ARHGAP26: variants seen among roughly 807,000 people sequenced by gnomAD.
ARHGAP26 encodes the protein Rho GTPase activating protein 26, also known as rho GTPase-activating protein 26.
In ARHGAP26, 38 loss-of-function variants were observed where a neutral mutation model predicts 104.8. The observed-to-expected ratio is 0.36, with a 90% confidence interval of 0.28 to 0.48. The LOEUF (loss-of-function observed/expected upper bound fraction) is 0.48. ARHGAP26 is among the 20% of genes least tolerant of loss of function. The pLI is 0.99. For synonymous variants in ARHGAP26, 341 were observed against 340.0 expected (o/e 1.00, Z -0.03); for missense variants, 704 against 947.9 (o/e 0.74, Z 3.38).
At chr5:143,122,830 A>G (rs2150806163) in intron 18 of ARHGAP26, among the ~76,000 whole-genome samples, 1 of 152,276 alleles carries the variant, frequency 6.6e-6, no homozygotes, top group South Asian at 2.1e-4. Flanking sequence ...ATGGCATAGA[A>G]CTTCAGCAGA....
intron 11 of ARHGAP26, among the ~76,000 whole-genome samples, chr5:142,945,395 T>A (rs867516853): frequency 6.6e-5 from 10 of 152,312 alleles, no homozygotes; most frequent in African/African-American, 2.2e-4. Context: ...CTACACACAA[T>A]TTTATATTTT....
At chr5:142,865,399 T>C (rs1251623286) in intron 1 of ARHGAP26, among the ~76,000 whole-genome samples, 1 of 152,110 alleles carries the variant, frequency 6.6e-6, no homozygotes, top group Admixed American at 6.6e-5. Flanking sequence ...GAAATACATA[T>C]GTATTTGTAT....
chr5:143,015,067 G>A (rs992673478), intron 12 of ARHGAP26, among the ~76,000 whole-genome samples: 2 of 151,676 alleles, frequency 1.3e-5, no homozygotes, highest in Admixed American at 1.3e-4. Context: ...CAGGAGTTTT[G>A]TATGAAATAT....
intron 10 of ARHGAP26, among the ~76,000 whole-genome samples, chr5:142,931,530 C>T (rs1764715456): frequency 6.6e-6 from 1 of 152,164 alleles, no homozygotes; most frequent in African/African-American, 2.4e-5. Flanking sequence ...ATCATAACTA[C>T]CAAGATGATG....
At chr5:142,934,372 A>G (rs1765129194) in intron 11 of ARHGAP26, among the ~76,000 whole-genome samples, 1 of 152,240 alleles carries the variant, frequency 6.6e-6, no homozygotes, top group Admixed American at 6.5e-5. Context: ...ACATGATATA[A>G]AATTATTTCC....
At chr5:143,012,544 C>CATACATATATATATATAT (rs1562259185) in intron 11 of ARHGAP26, among the ~76,000 whole-genome samples, 1 of 43,080 alleles carries the variant, frequency 2.3e-5, no homozygotes, top group East Asian at 3.3e-4. Flanking sequence ...TATTTATATA[C>CATACATATATATATATAT]ATACATACAT....
intron 11 of ARHGAP26, among the ~76,000 whole-genome samples, chr5:142,990,213 A>G (rs968937163): frequency 7.2e-5 from 11 of 152,086 alleles, no homozygotes; most frequent in Non-Finnish European, 1.3e-4. Flanking sequence ...TTGATCTTCA[A>G]TCACTGATAC....
At chr5:143,010,311 C>T (rs1301279960) in intron 11 of ARHGAP26, among the ~76,000 whole-genome samples, 1 of 152,224 alleles carries the variant, frequency 6.6e-6, no homozygotes, top group Non-Finnish European at 1.5e-5. Flanking sequence ...CTGACCAGCT[C>T]TGTGTCCTTA....
At chr5:143,000,890 A>G (rs767239938) in intron 11 of ARHGAP26, among the ~76,000 whole-genome samples, 2 of 152,156 alleles carry the variant, frequency 1.3e-5, no homozygotes, top group Non-Finnish European at 2.9e-5. Context: ...GATGGGAGGC[A>G]AGGGGAGGGA....
At chr5:143,202,534 T>C (rs1019187653) in intron 20 of ARHGAP26, 6 of 152,180 alleles carry the variant, frequency 3.9e-5, no homozygotes, top group Admixed American at 6.5e-5. Context: ...GCTATCCCCA[T>C]CAAGCTACCA....
At chr5:143,208,212 G>T (rs1410107179) in intron 21 of ARHGAP26, among the ~76,000 whole-genome samples, 1 of 152,138 alleles carries the variant, frequency 6.6e-6, no homozygotes, top group Non-Finnish European at 1.5e-5. Context: ...TTTACAACCG[G>T]GAAAAGAACG....
chr5:143,167,425 G>A (rs1052521081), intron 20 of ARHGAP26, among the ~76,000 whole-genome samples: 1 of 132,002 alleles, frequency 7.6e-6, no homozygotes, highest in African/African-American at 2.9e-5. Context: ...AGAGGTTACA[G>A]TGAGCTGAGA....
intron 11 of ARHGAP26, among the ~76,000 whole-genome samples, chr5:143,010,421 C>G (rs1339901446): frequency 6.6e-6 from 1 of 152,162 alleles, no homozygotes; most frequent in Non-Finnish European, 1.5e-5. Flanking sequence ...TTAGATGTTG[C>G]CATGTGTGGT....
chr5:142,886,003 C>G (rs1757646902), intron 5 of ARHGAP26, among the ~76,000 whole-genome samples: 1 of 152,076 alleles, frequency 6.6e-6, no homozygotes, highest in African/African-American at 2.4e-5. Flanking sequence ...AAAAGTAGTT[C>G]ACTTGGAAAG....
intron 10 of ARHGAP26, among the ~76,000 whole-genome samples, chr5:142,930,761 C>G (rs191142998): frequency 1.1e-4 from 17 of 152,194 alleles, no homozygotes; most frequent in African/African-American, 4.1e-4. Flanking sequence ...ATGCCCACGG[C>G]TCTAAATTTT....
intron 18 of ARHGAP26, among the ~76,000 whole-genome samples, chr5:143,129,739 A>G (rs1021889959): frequency 1.3e-5 from 2 of 152,216 alleles, no homozygotes; most frequent in Admixed American, 6.5e-5. Context: ...ACTGAGCATG[A>G]TAAGTGCTCA....
chr5:143,181,216 T>C (rs889126669), intron 20 of ARHGAP26, among the ~76,000 whole-genome samples: 3 of 152,192 alleles, frequency 2.0e-5, no homozygotes, highest in African/African-American at 4.8e-5. Context: ...ATAAGAGTCT[T>C]TGATGGCCCC....
chr5:142,963,163 G>GATATATATATATATATATATATATATAT (rs1562163912), intron 11 of ARHGAP26, among the ~76,000 whole-genome samples: 1 of 112,170 alleles, frequency 8.9e-6, no homozygotes, highest in Non-Finnish European at 1.8e-5. Context: ...AGTATTCCAT[G>GATATATATATATATATATATATATATAT]GTATATATGT....
chr5:143,227,868 A>AG lies in ARHGAP26; in HGVS notation c.*5423dup. ...TATGCTTACTGAGGAGAAAAAAAAA[A>AG]GCGATCACAGAAAAATTTCACAGCT... On this transcript the variant is annotated 3_prime_UTR_variant, in exon 23 of 23. Transcript: ENST00000645722. 1 of 221,606 alleles carries AG rather than the reference A, an allele frequency of 4.5e-6. No homozygotes were observed. The highest frequency in any genetic ancestry group is 9.0e-6 in the Non-Finnish European group (1 of 110,772). The allele number at this position is 221,606 out of a possible 1,614,324, so 13.7% of individuals were successfully genotyped here.
Sources: allele counts gnomAD v4.1 joint callset (sites outside exome capture counted in the v4.1 genomes callset), GRCh38; gene constraint gnomAD v4.1.1; transcripts MANE v1.5; gene names NCBI Gene and HGNC (gene_info 2026-07-23, HGNC 2026-07-21).